The following DLG2 variants were observed in gnomAD, a reference collection of about 807,000 sequenced individuals.
DLG2 encodes disks large homolog 2.
Under a neutral mutation model 132.5 loss-of-function variants are expected in DLG2, and 45 were observed. The observed-to-expected ratio is 0.34, with a 90% CI of 0.27 to 0.44. DLG2 has a LOEUF of 0.44. DLG2 is among the 20% of genes least tolerant of loss of function. The probability of loss-of-function intolerance (pLI) is 1.00; values close to 1 mark genes in which losing one functional copy is unlikely to be tolerated. For synonymous variants in DLG2, 424 were observed against 419.6 expected (o/e 1.01, Z -0.13); for missense variants, 1,045 against 1,196.9 (o/e 0.87, Z 1.87).
chr11:83,785,936 A>C (rs12278928), intron 18 of DLG2, among the ~76,000 whole-genome samples: 3 of 151,990 alleles, frequency 2.0e-5, no homozygotes, highest in African/African-American at 7.2e-5. Context: ...TCTTTTTTTA[A>C]TAACAAGATC....
chr11:83,956,776 G>T (rs903039959), intron 14 of DLG2, among the ~76,000 whole-genome samples: 18 of 152,220 alleles, frequency 1.2e-4, no homozygotes, highest in African/African-American at 4.3e-4. Flanking sequence ...ACTGTACTCT[G>T]ATGAGGTGTT....
chr11:83,734,293 CA>C (rs2091518001), intron 18 of DLG2, among the ~76,000 whole-genome samples: 1 of 152,132 alleles, frequency 6.6e-6, no homozygotes, highest in East Asian at 1.9e-4. Context: ...AATCACAACC[CA>C]AAAGTGGATT....
At chr11:84,095,920 G>A (rs2097159294) in intron 10 of DLG2, among the ~76,000 whole-genome samples, 1 of 152,108 alleles carries the variant, frequency 6.6e-6, no homozygotes, top group South Asian at 2.1e-4. Context: ...CATGGCCCTG[G>A]CTCCAGGAAG....
chr11:85,316,127 T>C (rs928082381), intron 3 of DLG2, among the ~76,000 whole-genome samples: 2 of 152,016 alleles, frequency 1.3e-5, no homozygotes, highest in Admixed American at 6.6e-5. Flanking sequence ...AGAAGATTTT[T>C]TTTTTTAAAG....
At chr11:85,427,734 C>G (rs1243497956) in intron 3 of DLG2, among the ~76,000 whole-genome samples, 1 of 151,318 alleles carries the variant, frequency 6.6e-6, no homozygotes, top group African/African-American at 2.4e-5. Context: ...AGCAAAATAA[C>G]CAGCTGACAT....
intron 5 of DLG2, among the ~76,000 whole-genome samples, chr11:85,133,819 T>G (rs1433540368): frequency 6.6e-6 from 1 of 152,158 alleles, no homozygotes; most frequent in Non-Finnish European, 1.5e-5. Context: ...AGCCAAATGA[T>G]TAGCACTCTC....
chr11:84,678,716 T>G (rs570795699), intron 6 of DLG2, among the ~76,000 whole-genome samples: 2 of 152,088 alleles, frequency 1.3e-5, no homozygotes, highest in Admixed American at 1.3e-4. Flanking sequence ...AATATATATT[T>G]ATACCCTGAT....
chr11:83,986,055 T>C (rs923710974), intron 11 of DLG2, among the ~76,000 whole-genome samples: 4 of 151,922 alleles, frequency 2.6e-5, no homozygotes, highest in African/African-American at 9.7e-5. Context: ...TAGATTTTTT[T>C]ATTTTATTTT....
intron 12 of DLG2, among the ~76,000 whole-genome samples, chr11:83,969,317 GT>G (rs2154164953): frequency 6.6e-6 from 1 of 152,198 alleles, no homozygotes; most frequent in African/African-American, 2.4e-5. Context: ...TTCTTTCCGA[GT>G]TTACATATAA....
chr11:84,491,789 C>T (rs894887889), intron 7 of DLG2, among the ~76,000 whole-genome samples: 1 of 152,108 alleles, frequency 6.6e-6, no homozygotes, highest in African/African-American at 2.4e-5. Context: ...TTTTTTCTTG[C>T]TACATTCCTC....
At chr11:83,633,497 A>T (rs1474064746) in intron 18 of DLG2, among the ~76,000 whole-genome samples, 172 bp from the exon 19 acceptor site, 1 of 152,138 alleles carries the variant, frequency 6.6e-6, no homozygotes, top group Admixed American at 6.6e-5. Context: ...GACATTTATA[A>T]GAGGAAAATG....
At chr11:84,088,335 T>C (rs1773041184) in intron 10 of DLG2, among the ~76,000 whole-genome samples, 1 of 151,608 alleles carries the variant, frequency 6.6e-6, no homozygotes, top group African/African-American at 2.4e-5. Context: ...TACATTCTTA[T>C]GCAGGTATAT....
chr11:83,571,697 C>T (rs12275631), intron 19 of DLG2, among the ~76,000 whole-genome samples: 11,911 of 151,606 alleles, frequency 0.079, 692 homozygotes, highest in Non-Finnish European at 0.12. Context: ...TACTGATGAG[C>T]GGACTGAAAC....
intron 5 of DLG2, among the ~76,000 whole-genome samples, chr11:85,149,587 G>A (rs1193136557): frequency 6.6e-6 from 1 of 152,038 alleles, no homozygotes; most frequent in Admixed American, 6.6e-5. Context: ...GGTCCTAAGT[G>A]CTCTAAATCT....
chr11:83,736,732 T>TAAGAAG (rs369106344), intron 18 of DLG2, among the ~76,000 whole-genome samples: 1 of 151,770 alleles, frequency 6.6e-6, no homozygotes, highest in Non-Finnish European at 1.5e-5. Flanking sequence ...CCCTAAAGAA[T>TAAGAAG]AAGAAGAAGA....
intron 22 of DLG2, 126 bp downstream of exon 22, chr11:83,484,003 T>G: frequency 2.7e-6 from 2 of 740,846 alleles, no homozygotes; most frequent in Non-Finnish European, 4.7e-6. Flanking sequence ...GTAGTAGACC[T>G]GCCCTGCCTG....
At chr11:84,833,302 C>G (rs1356216578) in intron 6 of DLG2, among the ~76,000 whole-genome samples, 1 of 151,568 alleles carries the variant, frequency 6.6e-6, no homozygotes, top group Non-Finnish European at 1.5e-5. Context: ...AAAGCCAATA[C>G]CAGTTCAACG....
At chr11:84,444,740 A>G (rs1416239286) in intron 7 of DLG2, among the ~76,000 whole-genome samples, 2 of 151,740 alleles carry the variant, frequency 1.3e-5, no homozygotes, top group African/African-American at 4.8e-5. Context: ...GTTAATTTTC[A>G]TAAATTTGTA....
chr11:85,124,534 G>T (rs575083229), intron 5 of DLG2, among the ~76,000 whole-genome samples: 1 of 152,200 alleles, frequency 6.6e-6, no homozygotes, highest in Non-Finnish European at 1.5e-5. Context: ...AGAAAAATAA[G>T]GGTCAGAGAG....
Sources: allele counts gnomAD v4.1 joint callset (sites outside exome capture counted in the v4.1 genomes callset), GRCh38; gene constraint gnomAD v4.1.1; transcripts MANE v1.5; gene names NCBI Gene and HGNC (gene_info 2026-07-23, HGNC 2026-07-21).